The following SPESP1 variants were observed in gnomAD, a reference collection of about 807,000 sequenced individuals.
SPESP1 encodes the protein sperm equatorial segment protein 1.
Under a neutral mutation model 3.1 loss-of-function variants are expected in SPESP1, and 1 was observed. The observed-to-expected ratio is 0.33, with a 90% CI of 0.12 to 1.54. The LOEUF (loss-of-function observed/expected upper bound fraction) is 1.54. Ranked by LOEUF, SPESP1 falls within the 40% of genes most tolerant of loss-of-function variation. The probability of loss-of-function intolerance (pLI) is 0.38; values close to 1 mark genes in which losing one functional copy is unlikely to be tolerated. For missense variants in SPESP1, 398 were observed against 410.1 expected, an observed-to-expected ratio of 0.97 and a Z score of 0.26; for synonymous variants, 138 against 150.7, an observed-to-expected ratio of 0.92 and a Z score of 0.62.
intron 1 of SPESP1, among the ~76,000 whole-genome samples, chr15:68,932,592 A>ATGTTGGCCAGGCTGGTCTCGAGC (rs1895576952): frequency 6.6e-6 from 1 of 152,110 alleles, no homozygotes; most frequent in Non-Finnish European, 1.5e-5. Context: ...GGGTTTCACC[A>ATGTTGGCCAGGCTGGTCTCGAGC]TGTTGGCCAG....
chr15:68,942,231 T>G (rs1000415861), intron 1 of SPESP1, among the ~76,000 whole-genome samples: 67 of 152,106 alleles, frequency 4.4e-4, no homozygotes, highest in Admixed American at 2.6e-4. Context: ...ATTTCTTATA[T>G]CTTCTAAGCA....
chr15:68,940,018 A>C (rs1406353055), intron 1 of SPESP1, among the ~76,000 whole-genome samples: 1 of 152,184 alleles, frequency 6.6e-6, no homozygotes, highest in Non-Finnish European at 1.5e-5. Context: ...AATCTTTTTC[A>C]GATTAAAAAA....
At chr15:68,942,450 T>G (rs1036451605) in intron 1 of SPESP1, among the ~76,000 whole-genome samples, 1 of 152,168 alleles carries the variant, frequency 6.6e-6, no homozygotes, top group Non-Finnish European at 1.5e-5. Context: ...CATTGACTAG[T>G]ATCTCCAACA....
At chr15:68,944,700 A>G (rs1434926634) in intron 1 of SPESP1, among the ~76,000 whole-genome samples, 3 of 152,170 alleles carry the variant, frequency 2.0e-5, no homozygotes, top group African/African-American at 7.2e-5. Flanking sequence ...GTCTCTTACA[A>G]TTACTCTAGT....
chr15:68,938,578 G>C (rs1271219917), intron 1 of SPESP1, among the ~76,000 whole-genome samples: 2 of 152,120 alleles, frequency 1.3e-5, no homozygotes, highest in Non-Finnish European at 2.9e-5. Flanking sequence ...TTTTGGTCCA[G>C]TTGACAGCAC....
Position 68,933,557 on chromosome 15 carries a change from T to TA in SPESP1, c.64+2853dup, listed in dbSNP as rs879556878. ...TTTTTAATGAGAATTCTTTTTGCTT[T>TA]AAAAAAAAAAAAATGCACAGGCCGG... is the stretch of plus-strand genomic sequence containing the variant. On this transcript the variant is annotated intron_variant, in intron 1 of 1. Coordinates refer to ENST00000310673, the MANE Select transcript of SPESP1 (RefSeq NM_145658.4). Among the ~76,000 whole-genome samples the TA allele has an allele frequency of 9.7e-3, 1,412 of 145,472 alleles. 18 individuals are homozygous for TA. The highest frequency in any genetic ancestry group is 0.031 in the African/African-American group (1,242 of 39,972).
chr15:68,938,364 GA>G (rs1178068456), intron 1 of SPESP1, among the ~76,000 whole-genome samples: 2 of 152,008 alleles, frequency 1.3e-5, no homozygotes, highest in African/African-American at 4.8e-5. Flanking sequence ...ATTTCTGTGT[GA>G]ACGGGATGTA....
At position 68,930,533 on chromosome 15, in the gene SPESP1, G is replaced by C; in HGVS notation, c.-121G>C. 7.3e-7 allele frequency: 1 copy of C among 1,366,766 alleles called. No individual in the cohort carries two copies. The highest frequency in any genetic ancestry group is 1.0e-6 in the Non-Finnish European group (1 of 977,336). 84.7% of individuals were successfully genotyped at this position (1,366,766 alleles called of 1,614,324 possible). A position where few individuals can be genotyped will look rare whatever the true frequency, so the allele number is the denominator to read the frequency against. On this transcript the variant is annotated 5_prime_UTR_variant, in exon 1 of 2. Coordinates refer to ENST00000310673, the MANE Select transcript of SPESP1 (RefSeq NM_145658.4). ...GCGCGCTGGGGACAACCGTTGCTGG[G>C]TGTCCCAGGGCCTGAGGCAGGACGG...
chr15:68,946,690 A>G lies in SPESP1; in HGVS notation c.*103A>G, dbSNP rs901897742. The G allele has an allele frequency of 1.4e-4, 170 of 1,247,844 alleles. No individual in the cohort carries two copies. Among genetic ancestry groups the G allele is most frequent in the Non-Finnish European group, 1.6e-4 (161 of 978,022 alleles). 77.3% of individuals were successfully genotyped at this position (1,247,844 alleles called of 1,614,324 possible). A position where few individuals can be genotyped will look rare whatever the true frequency, so the allele number is the denominator to read the frequency against. ...AGAAATAATCATATTCGTAATTTCA[A>G]AAGTTGTATAAAAATATTTTCTATT... On this transcript the variant is annotated 3_prime_UTR_variant, in exon 2 of 2. Transcript: ENST00000310673.
intron 1 of SPESP1, among the ~76,000 whole-genome samples, chr15:68,935,277 A>G (rs1393759316): frequency 6.6e-6 from 1 of 152,236 alleles, no homozygotes; most frequent in Non-Finnish European, 1.5e-5. Flanking sequence ...TATTGTGGCA[A>G]AAATGACTGC....
intron 1 of SPESP1, among the ~76,000 whole-genome samples, chr15:68,934,337 AATCT>A (rs1895629914): frequency 6.6e-6 from 1 of 152,236 alleles, no homozygotes; most frequent in Non-Finnish European, 1.5e-5. Context: ...CAATTGTTTG[AATCT>A]ATCACCAAAT....
At chr15:68,932,665 T>G (rs915909687) in intron 1 of SPESP1, among the ~76,000 whole-genome samples, 4 of 152,222 alleles carry the variant, frequency 2.6e-5, no homozygotes, top group Non-Finnish European at 4.4e-5. Context: ...GTGCTGGGAT[T>G]ACAGGCTTGA....
chr15:68,940,524 CTT>C (rs1567064103), intron 1 of SPESP1, among the ~76,000 whole-genome samples: 1 of 152,058 alleles, frequency 6.6e-6, no homozygotes, highest in Non-Finnish European at 1.5e-5. Context: ...ATACATGTAA[CTT>C]ATTGATATAC....
intron 1 of SPESP1, among the ~76,000 whole-genome samples, chr15:68,936,408 T>C (rs1895682433): frequency 6.6e-6 from 1 of 152,230 alleles, no homozygotes; most frequent in African/African-American, 2.4e-5. Context: ...CGATACATGC[T>C]ACAACATAGA....
At chr15:68,944,750 T>C (rs1895915628) in intron 1 of SPESP1, among the ~76,000 whole-genome samples, 2 of 152,108 alleles carry the variant, frequency 1.3e-5, no homozygotes, top group Admixed American at 1.3e-4. Context: ...CACAAACAAA[T>C]AGGCAAGACT....
At chr15:68,937,620 C>G (rs971292998) in intron 1 of SPESP1, among the ~76,000 whole-genome samples, 3 of 152,128 alleles carry the variant, frequency 2.0e-5, no homozygotes, top group Non-Finnish European at 2.9e-5. Context: ...CCCCTCACCC[C>G]CCACCCACCA....
chr15:68,940,756 CT>C (rs575503960), intron 1 of SPESP1, among the ~76,000 whole-genome samples: 15,332 of 125,274 alleles, frequency 0.12, 988 homozygotes, highest in African/African-American at 0.24. Context: ...TCAGATTTGA[CT>C]TTTTTTTTTT....
chr15:68,931,508 A>C (rs1374125403), intron 1 of SPESP1, among the ~76,000 whole-genome samples: 1 of 152,094 alleles, frequency 6.6e-6, no homozygotes, highest in African/African-American at 2.4e-5. Flanking sequence ...GTACAGAAAA[A>C]AAGGTTGACC....
In SPESP1 at chr15:68,937,560, G is replaced by A. The variant is rs531627956; in HGVS notation, c.64+6843G>A. The stretch of plus-strand genomic sequence containing the variant: ...CGTGCAGTTTCTTACATAGGCATAC[G>A]TGTGCCATGGTGGTTTGCTGCATCT... On this transcript the variant is annotated intron_variant, in intron 1 of 1. Coordinates refer to ENST00000310673, the MANE Select transcript of SPESP1 (RefSeq NM_145658.4). Among the ~76,000 whole-genome samples the A allele has an allele frequency of 1.7e-4, 25 of 150,760 alleles. 1 individual carries two copies. The highest frequency in any genetic ancestry group is 2.2e-4 in the African/African-American group (9 of 40,982).
Sources: gnomAD v4.1 joint callset for allele counts (sites outside exome capture counted in the v4.1 genomes callset) on GRCh38, gnomAD v4.1.1 for gene constraint, MANE v1.5 for transcripts, NCBI Gene and HGNC (gene_info 2026-07-23, HGNC 2026-07-21) for gene names.